Variants in CTNNA3 observed in about 807,000 individuals in gnomAD.
The protein encoded by CTNNA3 is catenin alpha-3.
Under a neutral mutation model 95.7 loss-of-function variants are expected in CTNNA3, and 76 were observed. The observed-to-expected ratio is 0.79, with a 90% CI of 0.66 to 0.96. The LOEUF (loss-of-function observed/expected upper bound fraction) is 0.96. Among genes scored for constraint, CTNNA3 ranks in the 40% least tolerant of loss-of-function variants. CTNNA3 has a pLI of 0.00. For synonymous variants in CTNNA3, 431 were observed against 374.4 expected, an observed-to-expected ratio of 1.15 and a Z score of -1.74; for missense variants, 1,191 against 1,089.8, an observed-to-expected ratio of 1.09 and a Z score of -1.31.
At chr10:66,565,377 T>G (rs1309797940) in intron 10 of CTNNA3, among the ~76,000 whole-genome samples, 4 of 152,140 alleles carry the variant, frequency 2.6e-5, no homozygotes, top group Non-Finnish European at 5.9e-5. Context: ...ATAGCTAATT[T>G]ATATAAAATG....
intron 3 of CTNNA3, among the ~76,000 whole-genome samples, chr10:67,574,455 CTT>C (rs1299060774): frequency 6.6e-6 from 1 of 151,936 alleles, no homozygotes; most frequent in African/African-American, 2.4e-5. Context: ...CCTGACCACT[CTT>C]TGTGTATAGT....
chr10:67,029,935 G>A (rs1853619305), intron 7 of CTNNA3, among the ~76,000 whole-genome samples: 1 of 152,216 alleles, frequency 6.6e-6, no homozygotes, highest in South Asian at 2.1e-4. Flanking sequence ...GCTGGCCAAA[G>A]TTCTGTCAGA....
intron 3 of CTNNA3, among the ~76,000 whole-genome samples, chr10:67,581,676 A>G (rs1023706191): frequency 2.3e-4 from 35 of 152,284 alleles, no homozygotes; most frequent in African/African-American, 8.2e-4. Flanking sequence ...TCGGCTGTGA[A>G]TCTGCCTGGT....
intron 5 of CTNNA3, among the ~76,000 whole-genome samples, chr10:67,454,477 C>A (rs1222289600): frequency 6.6e-6 from 1 of 152,048 alleles, no homozygotes; most frequent in Non-Finnish European, 1.5e-5. Flanking sequence ...CATATGCAAA[C>A]GTCTATTTCG....
At chr10:67,035,185 A>G (rs1484600736) in intron 7 of CTNNA3, among the ~76,000 whole-genome samples, 1 of 152,242 alleles carries the variant, frequency 6.6e-6, no homozygotes, top group South Asian at 2.1e-4. Context: ...CCATATGAAT[A>G]TATAGATATG....
chr10:66,152,502 T>C (rs1259562367), intron 13 of CTNNA3, among the ~76,000 whole-genome samples: 1 of 151,836 alleles, frequency 6.6e-6, no homozygotes, highest in Non-Finnish European at 1.5e-5. Context: ...TTTCACAATA[T>C]AAAGAAAACT....
chr10:67,003,571 GA>G lies in CTNNA3; in HGVS notation c.1047+176745del, dbSNP rs1445695901. ...AGGCTCTTATAAGTCCTGAAGTAAA[GA>G]AATATTTTATCTACATTTAACTCAC... On this transcript the variant is annotated intron_variant, in intron 7 of 17. Transcript: ENST00000433211. Among the ~76,000 whole-genome samples the G allele has an allele frequency of 2.0e-5, 3 of 152,220 alleles. No homozygotes were observed. The East Asian group carries it at 5.8e-4, about 29-fold the overall frequency.
chr10:67,043,018 A>T (rs1013765002), intron 7 of CTNNA3, among the ~76,000 whole-genome samples: 1 of 152,146 alleles, frequency 6.6e-6, no homozygotes, highest in African/African-American at 2.4e-5. Flanking sequence ...TACAAAAGCA[A>T]AGTGGAAGAA....
chr10:66,753,525 G>A (rs1267962097), intron 9 of CTNNA3, among the ~76,000 whole-genome samples: 1 of 151,946 alleles, frequency 6.6e-6, no homozygotes, highest in African/African-American at 2.4e-5. Flanking sequence ...AGCCAGGCGT[G>A]GTGGTGGGCA....
intron 5 of CTNNA3, among the ~76,000 whole-genome samples, chr10:67,321,289 A>C (rs1310932723): frequency 6.6e-6 from 1 of 152,228 alleles, no homozygotes; most frequent in Non-Finnish European, 1.5e-5. Context: ...AGATAGATTA[A>C]AGATGCAGAA....
At chr10:66,255,465 G>A (rs1459579913) in intron 13 of CTNNA3, among the ~76,000 whole-genome samples, 2 of 152,074 alleles carry the variant, frequency 1.3e-5, no homozygotes, top group African/African-American at 4.8e-5. Flanking sequence ...GGTCTTTTGG[G>A]CTTTATCTGA....
intron 15 of CTNNA3, among the ~76,000 whole-genome samples, chr10:66,036,862 ATTTTTTTTT>A (rs57081880): frequency 3.1e-5 from 3 of 95,702 alleles, no homozygotes; most frequent in Non-Finnish European, 5.9e-5. Context: ...AGTAGTTCCA[ATTTTTTTTT>A]TTTTTTTTTT....
At chr10:66,583,469 T>G (rs757169662) in intron 10 of CTNNA3, among the ~76,000 whole-genome samples, 1 of 151,854 alleles carries the variant, frequency 6.6e-6, no homozygotes, top group Admixed American at 6.6e-5. Flanking sequence ...TTTGTGTGCA[T>G]AGAGCTCTTC....
chr10:66,453,230 A>G (rs1373026278), intron 11 of CTNNA3, among the ~76,000 whole-genome samples: 2 of 151,942 alleles, frequency 1.3e-5, no homozygotes, highest in Non-Finnish European at 2.9e-5. Flanking sequence ...AAAGAAAAAA[A>G]AAAAAACTGA....
At chr10:66,919,302 C>T (rs1245105384) in intron 7 of CTNNA3, among the ~76,000 whole-genome samples, 4 of 152,026 alleles carry the variant, frequency 2.6e-5, no homozygotes, top group Non-Finnish European at 5.9e-5. Context: ...AGCCTCTCAA[C>T]TTTTGCGTAT....
At chr10:66,426,963 A>G (rs1186551260) in intron 11 of CTNNA3, among the ~76,000 whole-genome samples, 1 of 151,918 alleles carries the variant, frequency 6.6e-6, no homozygotes, top group East Asian at 1.9e-4. Context: ...CATTTATATC[A>G]TTCAAGTAAC....
At chr10:66,135,866 A>G (rs1343188374) in intron 13 of CTNNA3, among the ~76,000 whole-genome samples, 1 of 152,084 alleles carries the variant, frequency 6.6e-6, no homozygotes, top group Admixed American at 6.5e-5. Context: ...TGCTTATATA[A>G]TATTTACAAA....
At chr10:67,751,547 T>TAA (rs140377462) in intron 1 of CTNNA3, among the ~76,000 whole-genome samples, 10 of 146,660 alleles carry the variant, frequency 6.8e-5, no homozygotes, top group African/African-American at 2.0e-4. Flanking sequence ...ATAATGATCG[T>TAA]AAAAAAAAAA....
chr10:66,198,314 A>C (rs1241886359), intron 13 of CTNNA3, among the ~76,000 whole-genome samples: 21 of 152,186 alleles, frequency 1.4e-4, no homozygotes, highest in Admixed American at 1.4e-3. Flanking sequence ...TTTAATCTGC[A>C]TATAATCTGT....
Sources: gnomAD v4.1 joint callset for allele counts (sites outside exome capture counted in the v4.1 genomes callset) on GRCh38, gnomAD v4.1.1 for gene constraint, MANE v1.5 for transcripts, NCBI Gene and HGNC (gene_info 2026-07-23, HGNC 2026-07-21) for gene names.